Variants in TRUB1 observed in about 807,000 individuals in gnomAD.
The protein encoded by TRUB1 is TruB pseudouridine synthase family member 1.
TRUB1 carries 23 observed loss-of-function variants against 33.9 expected under a neutral mutation model. That is an observed-to-expected ratio of 0.68 (90% CI 0.49 to 0.96). The LOEUF (loss-of-function observed/expected upper bound fraction) is 0.96, where lower values mean the gene tolerates loss of function less well. Ranked by LOEUF, TRUB1 falls within the 40% of genes least tolerant of loss-of-function variation. The probability of loss-of-function intolerance (pLI) is 0.00; values close to 1 mark genes in which losing one functional copy is unlikely to be tolerated. For missense variants in TRUB1, 378 were observed against 422.2 expected (o/e 0.90, Z 0.92); for synonymous variants, 163 against 165.4 (o/e 0.99, Z 0.11).
intron 2 of TRUB1, among the ~76,000 whole-genome samples, chr10:114,944,000 C>CT (rs573847481): frequency 0.018 from 1,857 of 101,492 alleles, 29 homozygotes; most frequent in African/African-American, 0.035. Flanking sequence ...TTTATTCCAT[C>CT]TTTTTTTTTT....
intron 4 of TRUB1, among the ~76,000 whole-genome samples, chr10:114,969,786 G>A (rs926426620): frequency 2.6e-5 from 4 of 151,022 alleles, no homozygotes; most frequent in African/African-American, 9.7e-5. Flanking sequence ...GGAGGCTGGG[G>A]CGGGGGGACA....
At chr10:114,951,556 GT>G (rs2084235321) in intron 3 of TRUB1, among the ~76,000 whole-genome samples, 1 of 152,106 alleles carries the variant, frequency 6.6e-6, no homozygotes, top group Admixed American at 6.5e-5. Flanking sequence ...GGTTATAAAT[GT>G]TTATTAAAGA....
chr10:114,970,557 T>C (rs780011529), intron 5 of TRUB1, 117 bp downstream of exon 5: 5 of 768,482 alleles, frequency 6.5e-6, no homozygotes, highest in Admixed American at 2.1e-5. Context: ...GTTTTAAATC[T>C]GATGTGCCAA....
chr10:114,953,800 A>G (rs960965369), intron 3 of TRUB1, among the ~76,000 whole-genome samples: 3 of 152,290 alleles, frequency 2.0e-5, no homozygotes, highest in African/African-American at 7.2e-5. Context: ...GCCATGTCGC[A>G]TGGTGAGAGA....
intron 4 of TRUB1, among the ~76,000 whole-genome samples, chr10:114,964,273 A>G (rs1188408579): frequency 2.0e-5 from 3 of 151,960 alleles, no homozygotes; most frequent in Non-Finnish European, 2.9e-5. Flanking sequence ...CTTATTAGCC[A>G]TCTTCTTTTT....
At chr10:114,971,339 A>G (rs1375998801) in intron 5 of TRUB1, among the ~76,000 whole-genome samples, 1 of 152,138 alleles carries the variant, frequency 6.6e-6, no homozygotes. Context: ...TTTCAAGCAA[A>G]TTGCCTCTTT....
chr10:114,965,956 C>T (rs1284417529), intron 4 of TRUB1, among the ~76,000 whole-genome samples: 3 of 152,032 alleles, frequency 2.0e-5, no homozygotes, highest in African/African-American at 7.2e-5. Flanking sequence ...TCCCACCACC[C>T]CAAATTCATT....
rs937927728 is a variant in TRUB1 at position 114,976,665 on chromosome 10, T to C, written c.*1286T>C. 6.6e-6 allele frequency: 1 copy of C among 152,166 alleles called. No individual in the cohort carries two copies. Among genetic ancestry groups the C allele is most frequent in the Non-Finnish European group, 1.5e-5 (1 of 68,002 alleles). The allele number at this position is 152,166 out of a possible 1,614,324, so 9.4% of individuals were successfully genotyped here. A position where few individuals can be genotyped will look rare whatever the true frequency, so the allele number is the denominator to read the frequency against. On this transcript the variant is annotated 3_prime_UTR_variant, in exon 8 of 8. Coordinates refer to ENST00000298746, the MANE Select transcript of TRUB1 (RefSeq NM_139169.5). Reference sequence around the variant, plus strand: ...GTCTCTAACTCTGAAATTTAAAATATGTAAACTAAAGTGGTTTTATTTGTG... The same window carrying C: ...GTCTCTAACTCTGAAATTTAAAATACGTAAACTAAAGTGGTTTTATTTGTG...
chr10:114,959,849 G>A, intron 4 of TRUB1, 42 bp downstream of exon 4: 2 of 1,270,586 alleles, frequency 1.6e-6, no homozygotes, highest in Non-Finnish European at 2.3e-6. Flanking sequence ...CTAACATTTA[G>A]GAAAAGTTTC....
At chr10:114,974,412 A>G (rs745912572) in intron 7 of TRUB1, 27 bp downstream of exon 7, 51 of 1,581,654 alleles carry the variant, frequency 3.2e-5, no homozygotes, top group Non-Finnish European at 2.6e-6. Flanking sequence ...ATTATGAATT[A>G]TCATTTAGAG....
chr10:114,967,684 A>T (rs769859000), intron 4 of TRUB1, among the ~76,000 whole-genome samples: 1 of 152,174 alleles, frequency 6.6e-6, no homozygotes, highest in Non-Finnish European at 1.5e-5. Flanking sequence ...TATTCTGCCT[A>T]GTTATTGGAT....
In TRUB1 at chr10:114,970,430, G is replaced by T; in HGVS notation, c.586G>T (p.Val196Leu). Reference sequence around the variant, plus strand: ...GAAATTTACTGGAAATATAATGCAAGTGCCCCCCCTGTAAGTTCAATTAGT... The same window carrying T: ...GAAATTTACTGGAAATATAATGCAATTGCCCCCCCTGTAAGTTCAATTAGT... ...LQKFTGNIMQ[V>L]PPLYSALKKD... The change falls in exon 5 of 8, where the codon GTG becomes TTG. Residue 196 changes from valine to leucine, a missense_variant. Coordinates refer to ENST00000298746, the MANE Select transcript of TRUB1 (RefSeq NM_139169.5). 2 of 1,609,678 alleles carry T rather than the reference G, an allele frequency of 1.2e-6. No individual in the cohort carries two copies. Among genetic ancestry groups the T allele is most frequent in the Non-Finnish European group, 1.7e-6 (2 of 1,176,516 alleles).
intron 1 of TRUB1, among the ~76,000 whole-genome samples, chr10:114,942,269 A>C (rs1043038412): frequency 2.0e-5 from 3 of 152,220 alleles, no homozygotes; most frequent in Non-Finnish European, 4.4e-5. Context: ...GACTTTTAAA[A>C]GTATCTTTCT....
intron 3 of TRUB1, among the ~76,000 whole-genome samples, chr10:114,955,017 T>C (rs924939279): frequency 6.6e-6 from 1 of 152,200 alleles, no homozygotes; most frequent in Non-Finnish European, 1.5e-5. Flanking sequence ...AGACTTTCCT[T>C]GGACATTAAA....
At position 114,938,265 on chromosome 10, in the gene TRUB1, T is replaced by C. The variant is rs1445725771; in HGVS notation, c.12T>C (p.Ser4=). 1.4e-5 allele frequency: 23 copies of C among 1,614,188 alleles called. No individual in the cohort carries two copies. The highest frequency in any genetic ancestry group is 1.9e-5 in the Non-Finnish European group (22 of 1,180,020). MAA[S]EAAVVSSPSL... ...TGGGCTACAAAAGTATGGCCGCTTC[T>C]GAGGCGGCGGTGGTGTCTTCGCCGT... The change falls in exon 1 of 8, where the codon TCT becomes TCC. Residue 4 remains serine, a synonymous_variant. Coordinates refer to ENST00000298746, the MANE Select transcript of TRUB1 (RefSeq NM_139169.5).
At chr10:114,972,337 T>G in intron 6 of TRUB1, 63 bp downstream of exon 6, 1 of 1,496,096 alleles carries the variant, frequency 6.7e-7, no homozygotes, top group Non-Finnish European at 9.0e-7. Flanking sequence ...ATTTGGCTAC[T>G]TTTGTGTCAT....
intron 4 of TRUB1, among the ~76,000 whole-genome samples, chr10:114,964,885 G>T (rs1339069773): frequency 6.6e-6 from 1 of 150,730 alleles, no homozygotes; most frequent in Non-Finnish European, 1.5e-5. Context: ...ATATCTGGAA[G>T]AACAAGTCCT....
chr10:114,960,469 G>A (rs1223863651), intron 4 of TRUB1, among the ~76,000 whole-genome samples: 1 of 152,096 alleles, frequency 6.6e-6, no homozygotes, highest in Non-Finnish European at 1.5e-5. Flanking sequence ...CCAATTTGTG[G>A]ACTGTTTTTT....
intron 3 of TRUB1, among the ~76,000 whole-genome samples, chr10:114,952,969 G>A (rs1478304371): frequency 2.0e-5 from 3 of 151,796 alleles, no homozygotes; most frequent in Non-Finnish European, 4.4e-5. Context: ...TCACTTTTAT[G>A]TTAATAATAA....
Sources: allele counts gnomAD v4.1 joint callset (sites outside exome capture counted in the v4.1 genomes callset), GRCh38; gene constraint gnomAD v4.1.1; transcripts MANE v1.5; gene names NCBI Gene and HGNC (gene_info 2026-07-23, HGNC 2026-07-21).